CHD1L: variants seen among roughly 807,000 people sequenced by gnomAD.
The protein encoded by CHD1L is chromodomain helicase DNA binding protein 1 like, also known as ATP-dependent chromatin remodeler CHD1L.
A neutral mutation model predicts 115.9 loss-of-function variants in CHD1L; 118 were observed. The ratio of observed to expected loss-of-function variants is 1.02; its 90% CI spans 0.88 to 1.19. CHD1L has a LOEUF of 1.19. Among genes scored for constraint, CHD1L ranks in the 50% most tolerant of loss-of-function variants. The probability of loss-of-function intolerance (pLI) is 0.00; values close to 1 mark genes in which losing one functional copy is unlikely to be tolerated. For synonymous variants in CHD1L, 411 were observed against 387.1 expected, an observed-to-expected ratio of 1.06 and a Z score of -0.72; for missense variants, 1,179 against 1,065.3, an observed-to-expected ratio of 1.11 and a Z score of -1.49.
At chr1:147,284,627 A>G in intron 16 of CHD1L, 128 bp downstream of exon 16, 1 of 833,612 alleles carries the variant, frequency 1.2e-6, no homozygotes, top group Non-Finnish European at 1.8e-6. Flanking sequence ...GTGTTTGCTG[A>G]AATGTTATTA....
chr1:147,272,726 A>G (rs781989233), intron 12 of CHD1L, among the ~76,000 whole-genome samples: 1 of 152,214 alleles, frequency 6.6e-6, no homozygotes. Flanking sequence ...AAATGTGATT[A>G]TGTTGAAAAT....
rs373271315 is a variant in CHD1L, at chr1:147,242,726, G to A, written c.23G>A (p.Ser8Asn). The change falls in exon 1 of 23, where the codon AGC (serine) becomes AAC (asparagine). Residue 8 changes from serine to asparagine, a missense_variant. Ser to Asn is a conservative substitution (Grantham distance 46). Coordinates refer to ENST00000369258, the MANE Select transcript of CHD1L (RefSeq NM_004284.6). The stretch of plus-strand genomic sequence containing the variant: ...CCGATGGAGCGCGCGGGCGCTACTA[G>A]CCGCGGGGGCCAAGCCCCTGGCTTC... MERAGAT[S>N]RGGQAPGFLL... The A allele has an allele frequency of 3.2e-6, 4 of 1,258,064 alleles. No homozygotes were observed. Among genetic ancestry groups the A allele is most frequent in the Non-Finnish European group, 4.0e-6 (4 of 996,592 alleles). 77.9% of individuals were successfully genotyped at this position (1,258,064 alleles called of 1,614,324 possible).
intron 7 of CHD1L, among the ~76,000 whole-genome samples, chr1:147,265,253 C>T (rs1423891847): frequency 1.3e-5 from 2 of 152,264 alleles, no homozygotes; most frequent in East Asian, 1.9e-4. Flanking sequence ...ACCTGGCGAA[C>T]CTGCTCTGAT....
chr1:147,263,511 A>G (rs2883432), intron 6 of CHD1L, among the ~76,000 whole-genome samples: 61,083 of 151,428 alleles, frequency 0.4, 12,370 homozygotes, highest in South Asian at 0.44. Flanking sequence ...ATTCTACTAA[A>G]TTCTTGTGAA....
chr1:147,270,964 C>T lies in CHD1L; in HGVS notation c.1118C>T (p.Thr373Ile), dbSNP rs782161166. The T allele has an allele frequency of 1.2e-6, 2 of 1,613,896 alleles. No homozygotes were observed. Among genetic ancestry groups the T allele is most frequent in the Admixed American group, 1.7e-5 (1 of 59,992 alleles). Residue 373 changes from threonine (T) to isoleucine (I), a missense_variant, in exon 11 of 23, where the codon ACC (threonine) becomes ATC (isoleucine). Thr to Ile is a moderately conservative substitution (Grantham distance 89, BLOSUM62 -1). Coordinates refer to ENST00000369258, the MANE Select transcript of CHD1L (RefSeq NM_004284.6). ...GHRVLLFSQM[T>I]QMLDILQDYM... ...CGGGTTTTACTTTTCTCCCAAATGA[C>T]CCAGATGTTGGATATTCTCCAAGAC...
At chr1:147,209,393 G>C in the CHD1L span, among the ~76,000 whole-genome samples, 17 of 132,454 alleles carry the variant, frequency 1.3e-4, no homozygotes, top group Admixed American at 1.1e-3. Flanking sequence ...AGCCAAGATC[G>C]CACCACTGCA....
rs1444778649 is a variant in CHD1L, at chr1:147,275,486, G to C, written c.1385+18G>C. On this transcript the variant is annotated intron_variant, in intron 13 of 22. Transcript: ENST00000369258. ...CAAAACAAGTAAGTGATTTTTTTCT[G>C]CTTCCTTGGCTTGCCCAGCAGCAGT... 6.3e-7 allele frequency: 1 copy of C among 1,581,306 alleles called. No individual in the cohort carries two copies. Among genetic ancestry groups the C allele is most frequent in the Non-Finnish European group, 8.7e-7 (1 of 1,150,180 alleles).
Position 147,286,414 on chromosome 1 carries a change from C to A in CHD1L, c.2135C>A (p.Pro712Gln), listed in dbSNP as rs1013729045. ...ESSAELDYQD[P>Q]DATSLKYVSG... is the part of the protein sequence containing the mutation. Reference sequence around the variant, plus strand: ...TCTGCTGAGCTGGATTACCAAGACCCAGATGCTACTTCCCTCAAGTACGTT... The same window carrying A: ...TCTGCTGAGCTGGATTACCAAGACCAAGATGCTACTTCCCTCAAGTACGTT... Residue 712 changes from proline to glutamine, a missense_variant, in exon 18 of 23, where the codon CCA becomes CAA. Transcript: ENST00000369258. 1.2e-6 allele frequency: 2 copies of A among 1,614,150 alleles called. No individual in the cohort carries two copies. Among genetic ancestry groups the A allele is most frequent in the Non-Finnish European group, 1.7e-6 (2 of 1,180,034 alleles).
At chr1:147,224,924 C>A in the CHD1L span, 5 of 1,614,118 alleles carry the variant, frequency 3.1e-6, no homozygotes, top group East Asian at 1.1e-4. Context: ...CCGATGTCAT[C>A]AGTCCTTTCA....
chr1:147,225,065 T>A, the CHD1L span: 1 of 1,613,542 alleles, frequency 6.2e-7, no homozygotes, highest in Non-Finnish European at 8.5e-7. Context: ...GTGTCGCCTG[T>A]CCTAAAGAAA....
chr1:147,268,820 A>C lies in CHD1L; in HGVS notation c.1027A>C (p.Thr343Pro), dbSNP rs1553950539. Reference protein sequence around the residue: ...PEPFEVGDHLTEASGKLHLLD... With the variant: ...PEPFEVGDHLPEASGKLHLLD... ...GCCTTTTGAAGTTGGAGACCACCTG[A>C]CTGAGGCTAGTGGGAAGCTTCACCT... The change falls in exon 10 of 23, where the codon ACT (threonine) becomes CCT (proline). Residue 343 changes from threonine (T) to proline (P), a missense_variant. Physicochemically the swap from Thr to Pro is conservative, Grantham distance 38. Coordinates refer to ENST00000369258, the MANE Select transcript of CHD1L (RefSeq NM_004284.6). The C allele has an allele frequency of 6.2e-7, 1 of 1,613,602 alleles. No individual in the cohort carries two copies.
In CHD1L at chr1:147,269,866, T is replaced by C. The variant is rs180962179; in HGVS notation, c.1085+988T>C. 8.5e-5 allele frequency among the ~76,000 whole-genome samples: 13 copies of C among 152,242 alleles called. No homozygotes were observed. The South Asian group carries it at 1.0e-3, about 12-fold the overall frequency. ...CCTGAACTAATCTAAAACTTCAGAT[T>C]TGGCAAAATTGCTCAACTTTAGGAA... On this transcript the variant is annotated intron_variant, in intron 10 of 22. Coordinates refer to ENST00000369258, the MANE Select transcript of CHD1L (RefSeq NM_004284.6).
chr1:147,260,416 G>T (rs1671537511), intron 6 of CHD1L: 1 of 152,200 alleles, frequency 6.6e-6, no homozygotes, highest in South Asian at 2.1e-4. Context: ...AGGGCTAAAT[G>T]AACATTTTAT....
intron 16 of CHD1L, among the ~76,000 whole-genome samples, chr1:147,285,118 G>C (rs1682555304): frequency 6.6e-6 from 1 of 152,200 alleles, no homozygotes; most frequent in South Asian, 2.1e-4. Flanking sequence ...TTACAGCATG[G>C]TATCCTGGTC....
chr1:147,204,318 A>G, the CHD1L span: 1 of 959,836 alleles, frequency 1.0e-6, no homozygotes, highest in African/African-American at 1.6e-5. Flanking sequence ...CCAGAATTTT[A>G]CAAACTCTGA....
At chr1:147,282,952 C>T (rs141583861) in intron 15 of CHD1L, among the ~76,000 whole-genome samples, 8 of 152,216 alleles carry the variant, frequency 5.3e-5, no homozygotes, top group East Asian at 1.9e-4. Context: ...AGGATAGAGA[C>T]GCGGGTCTAG....
At chr1:147,288,337 A>AAAAG (rs1684152669) in intron 19 of CHD1L, among the ~76,000 whole-genome samples, 8 of 1,292 alleles carry the variant, frequency 6.2e-3, no homozygotes, top group Admixed American at 9.8e-3. Flanking sequence ...AAAAAAAAAA[A>AAAAG]AAAAAAAAAG....
chr1:147,284,509 GTTAA>G lies in CHD1L; in HGVS notation c.1854+13_1854+16del. Reference sequence around the variant, plus strand: ...CCGAAATAAAGGCAGTGTAAGAACTGTTAATTTATTTAAAAGTTGTTCTTCCAAA... The same window carrying G: ...CCGAAATAAAGGCAGTGTAAGAACTGTTTATTTAAAAGTTGTTCTTCCAAA... On this transcript the variant is annotated intron_variant, in intron 16 of 22. Transcript: ENST00000369258. The G allele has an allele frequency of 6.4e-6, 10 of 1,556,474 alleles. No individual in the cohort carries two copies. The highest frequency in any genetic ancestry group is 8.6e-6 in the Non-Finnish European group (10 of 1,159,530).
chr1:147,235,087 CTGTGTGTGTGTGTGTGTG>C, the CHD1L span, among the ~76,000 whole-genome samples: 5 of 146,080 alleles, frequency 3.4e-5, no homozygotes, highest in African/African-American at 1.0e-4. Context: ...ATATCCCACA[CTGTGTGTGTGTGTGTGTG>C]TGTGTGTGTG....
Sources: gnomAD v4.1 joint callset for allele counts (sites outside exome capture counted in the v4.1 genomes callset) on GRCh38, gnomAD v4.1.1 for gene constraint, MANE v1.5 for transcripts, NCBI Gene and HGNC (gene_info 2026-07-23, HGNC 2026-07-21) for gene names.